The following ZSCAN18 variants were observed in gnomAD, a reference collection of about 807,000 sequenced individuals.
ZSCAN18 encodes zinc finger and SCAN domain containing 18.
A neutral mutation model predicts 31.1 loss-of-function variants in ZSCAN18; 16 were observed. The observed-to-expected ratio is 0.51, with a 90% CI of 0.35 to 0.78. The LOEUF is 0.78. Among genes scored for constraint, ZSCAN18 ranks in the 30% least tolerant of loss-of-function variants. The pLI is 0.01. For synonymous variants in ZSCAN18, 375 were observed against 320.7 expected, an observed-to-expected ratio of 1.17 and a Z score of -1.81; for missense variants, 731 against 697.4, an observed-to-expected ratio of 1.05 and a Z score of -0.54.
Position 58,098,006 on chromosome 19 carries a change from G to T in ZSCAN18, c.-120+168C>A, listed in dbSNP as rs372983541. On this transcript the variant is annotated intron_variant, in intron 1 of 6. Transcript: ENST00000601144. ...CCGGCCCCTGCCCCGCACTCCACGCGAAGGGATGCCAGACCCTCGGCCTCC... is the reference window on the plus strand; with the variant it reads ...CCGGCCCCTGCCCCGCACTCCACGCTAAGGGATGCCAGACCCTCGGCCTCC... The T allele has an allele frequency of 3.6e-4, 355 of 985,680 alleles. 3 individuals are homozygous for T. In the South Asian group the frequency reaches 0.015, roughly 41 times the overall value. 61.1% of individuals were successfully genotyped at this position (985,680 alleles called of 1,614,324 possible). A position where few individuals can be genotyped will look rare whatever the true frequency, so the allele number is the denominator to read the frequency against.
chr19:58,087,255 G>T, intron 4 of ZSCAN18, 61 bp downstream of exon 4: 2 of 1,492,180 alleles, frequency 1.3e-6, no homozygotes, highest in Non-Finnish European at 9.1e-7. Context: ...CTGGTGATGG[G>T]GAGGGGGATG....
intron 1 of ZSCAN18, among the ~76,000 whole-genome samples, chr19:58,111,494 C>T (rs2074683007): frequency 6.6e-6 from 1 of 151,978 alleles, no homozygotes; most frequent in South Asian, 2.1e-4. Flanking sequence ...TACAGGTATG[C>T]ACCACCATGT....
At chr19:58,097,539 G>C (rs2074542371) in intron 1 of ZSCAN18, among the ~76,000 whole-genome samples, 1 of 151,782 alleles carries the variant, frequency 6.6e-6, no homozygotes, top group Non-Finnish European at 1.5e-5. Flanking sequence ...CAAGGGTGGG[G>C]GCAGCAGAGA....
At chr19:58,091,658 T>A (rs1392469708) in intron 1 of ZSCAN18, among the ~76,000 whole-genome samples, 1 of 152,130 alleles carries the variant, frequency 6.6e-6, no homozygotes, top group Non-Finnish European at 1.5e-5. Context: ...GAAGCCAGTA[T>A]TCAGGATGAA....
At chr19:58,118,309 G>C (rs1053845085) in exon 1 of ZSCAN18, 3 of 1,523,636 alleles carry the variant, frequency 2.0e-6, no homozygotes, top group Admixed American at 4.1e-5. Flanking sequence ...CGGGAACGGA[G>C]GAAACAGACC....
chr19:58,091,259 C>T (rs2074404196), intron 1 of ZSCAN18, among the ~76,000 whole-genome samples: 1 of 88,774 alleles, frequency 1.1e-5, no homozygotes, highest in Non-Finnish European at 2.3e-5. Context: ...CGGTGAGACT[C>T]TGTCTCAAAA....
chr19:58,086,332 G>A lies in ZSCAN18; in HGVS notation c.746-66C>T, dbSNP rs2074279951. ...ACAGAGTGGCTGATGGGTGTTGTGT[G>A]TCGTGGGCCAGCCAGGGCAGGCTGC... is the stretch of plus-strand genomic sequence containing the variant. On this transcript the variant is annotated intron_variant, in intron 5 of 6. Coordinates refer to ENST00000601144, the MANE Select transcript of ZSCAN18 (RefSeq NM_001145543.2). 4 of 1,475,936 alleles carry A rather than the reference G, an allele frequency of 2.7e-6. No homozygotes were observed. The South Asian group carries it at 4.6e-5, about 17-fold the overall frequency. The allele number at this position is 1,475,936 out of a possible 1,614,324, so 91.4% of individuals were successfully genotyped here. A position where few individuals can be genotyped will look rare whatever the true frequency, so the allele number is the denominator to read the frequency against.
intron 1 of ZSCAN18, among the ~76,000 whole-genome samples, chr19:58,116,632 C>G (rs770442413): frequency 1.3e-5 from 2 of 152,158 alleles, no homozygotes; most frequent in Non-Finnish European, 2.9e-5. Context: ...AAGGAAGAAG[C>G]TAGGGCACGG....
At chr19:58,113,593 G>C (rs2074705705) in intron 1 of ZSCAN18, among the ~76,000 whole-genome samples, 1 of 152,166 alleles carries the variant, frequency 6.6e-6, no homozygotes, top group Non-Finnish European at 1.5e-5. Context: ...GCTTGACCCA[G>C]TTTCCAGCTT....
At position 58,087,001 on chromosome 19, in the gene ZSCAN18, T is replaced by C. The variant is rs763883819; in HGVS notation, c.650A>G (p.Lys217Arg). Reference sequence around the variant, plus strand: ...GTGCTGAGGGTCCTCTGGAAAGGACTTCAGCTTCTGAAACATTAGTCGTGG... The same window carrying C: ...GTGCTGAGGGTCCTCTGGAAAGGACCTCAGCTTCTGAAACATTAGTCGTGG... ...DGPANTEQKL[K>R]SFPEDPQHLG... Residue 217 changes from lysine to arginine, a missense_variant, in exon 5 of 7, where the codon AAG becomes AGG. By Grantham distance (26) the Lys-to-Arg change is conservative. Transcript: ENST00000601144. The C allele has an allele frequency of 6.2e-7, 1 of 1,611,806 alleles. No individual in the cohort carries two copies. Among genetic ancestry groups the C allele is most frequent in the Admixed American group, 1.7e-5 (1 of 59,948 alleles).
In ZSCAN18 at chr19:58,084,668, C is replaced by T. The variant is rs950899331; in HGVS notation, c.*17G>A. The T allele has an allele frequency of 3.4e-5, 50 of 1,463,222 alleles. No homozygotes were observed. The East Asian group carries it at 9.1e-4, about 27-fold the overall frequency. The allele number at this position is 1,463,222 out of a possible 1,614,324, so 90.6% of individuals were successfully genotyped here. A position where few individuals can be genotyped will look rare whatever the true frequency, so the allele number is the denominator to read the frequency against. The stretch of plus-strand genomic sequence containing the variant: ...GGCCGGCAAAGCGGCCCCTCCGGAA[C>T]GGGACAGCACAGCGGCTCACCTCTG... On this transcript the variant is annotated 3_prime_UTR_variant, in exon 7 of 7. Coordinates refer to ENST00000601144, the MANE Select transcript of ZSCAN18 (RefSeq NM_001145543.2). The surrounding 1 kb of genome is among the most constrained non-coding windows in gnomAD (Gnocchi z 4.5).
rs754074982 is a variant in ZSCAN18 at position 58,085,301 on chromosome 19, G to A, written c.917C>T (p.Thr306Met). The A allele has an allele frequency of 2.5e-6, 4 of 1,599,354 alleles. No homozygotes were observed. In the African/African-American group the frequency reaches 4.0e-5, roughly 16 times the overall value. The change falls in exon 7 of 7, where the codon ACG (threonine) becomes ATG (methionine). Residue 306 changes from threonine (T) to methionine (M), a missense_variant. Transcript: ENST00000601144. ...AAGGGCGTCCCCAGGGGGCGCCTCC[G>A]TAGGCAGCTCAGGCAGCACCCCCGC... ...APAGVLPELP[T>M]EAPPGDALAD...
intron 1 of ZSCAN18, among the ~76,000 whole-genome samples, chr19:58,105,962 G>C (rs1186285206): frequency 1.3e-5 from 2 of 152,150 alleles, no homozygotes; most frequent in African/African-American, 2.4e-5. Context: ...CGAGGCAACA[G>C]AGTGAGAATC....
At chr19:58,101,438 T>C (rs1219435328), upstream of ZSCAN18, among the ~76,000 whole-genome samples, 1 of 149,326 alleles carries the variant, frequency 6.7e-6, no homozygotes, top group Non-Finnish European at 1.5e-5. Flanking sequence ...CATGAGCCAC[T>C]GCGCCCGGCC....
At chr19:58,092,018 G>T (rs1368822992) in intron 1 of ZSCAN18, among the ~76,000 whole-genome samples, 2 of 152,182 alleles carry the variant, frequency 1.3e-5, no homozygotes, top group Non-Finnish European at 2.9e-5. Flanking sequence ...CTGTGGGGTG[G>T]GGTGTGGTGT....
intron 1 of ZSCAN18, chr19:58,092,557 CAG>C (rs2074434360): frequency 3.0e-6 from 1 of 334,418 alleles, no homozygotes. Flanking sequence ...GCCTGGGTGA[CAG>C]AGCGAGACTC....
intron 1 of ZSCAN18, among the ~76,000 whole-genome samples, chr19:58,116,974 G>A (rs557813186): frequency 3.3e-5 from 5 of 152,128 alleles, no homozygotes; most frequent in African/African-American, 4.8e-5. Context: ...CGCAACTTCC[G>A]CCTCCCAGGT....
rs1326876692 is a variant in ZSCAN18, at chr19:58,084,772, G to A, written c.1446C>T (p.Arg482=). 2 of 1,573,356 alleles carry A rather than the reference G, an allele frequency of 1.3e-6. No homozygotes were observed. The highest frequency in any genetic ancestry group is 1.7e-4 in the Middle Eastern group (1 of 5,956). The change falls in exon 7 of 7, where the codon CGC becomes CGT. Residue 482 remains arginine, a synonymous_variant. Coordinates refer to ENST00000601144, the MANE Select transcript of ZSCAN18 (RefSeq NM_001145543.2). The surrounding 1 kb of genome is among the most constrained non-coding windows in gnomAD (Gnocchi z 4.5). ...GGARGPQPST[R]EAQAGARAGG... is the part of the protein sequence containing the mutation. ...CCGCCCTAGCCCCCGCCTGGGCTTCGCGGGTGGACGGTTGGGGGCCCCGGG... is the reference window on the plus strand; with the variant it reads ...CCGCCCTAGCCCCCGCCTGGGCTTCACGGGTGGACGGTTGGGGGCCCCGGG...
chr19:58,085,939 G>C (rs2074270594), intron 6 of ZSCAN18: 2 of 536,178 alleles, frequency 3.7e-6, no homozygotes, highest in African/African-American at 3.8e-5. Context: ...CACAGATCCT[G>C]GCAACTAACA....
Sources: gnomAD v4.1 joint callset for allele counts (sites outside exome capture counted in the v4.1 genomes callset) on GRCh38, gnomAD v4.1.1 for gene constraint, Gnocchi (gnomAD v3.1) non-coding constraint, MANE v1.5 for transcripts, NCBI Gene and HGNC (gene_info 2026-07-23, HGNC 2026-07-21) for gene names.